WDPCP: variants seen among roughly 807,000 people sequenced by gnomAD.
WDPCP encodes the protein WD repeat-containing and planar cell polarity effector protein fritz homolog.
Under a neutral mutation model 93.1 loss-of-function variants are expected in WDPCP, and 71 were observed. The observed-to-expected ratio is 0.76, with a 90% CI of 0.63 to 0.93. The LOEUF (loss-of-function observed/expected upper bound fraction) is 0.93. Among genes scored for constraint, WDPCP ranks in the 40% least tolerant of loss-of-function variants. The pLI, the probability that WDPCP is intolerant of heterozygous loss-of-function variation, is 0.00. For missense variants in WDPCP, 844 were observed against 887.4 expected, an observed-to-expected ratio of 0.95 and a Z score of 0.62; for synonymous variants, 315 against 315.0, an observed-to-expected ratio of 1.00 and a Z score of 0.00.
At position 63,491,787 on chromosome 2, in the gene WDPCP, G is replaced by GAGGAGCCA. The variant is rs1188753883; in HGVS notation, c.160+1068_160+1069insTGGCTCCT. Among the ~76,000 whole-genome samples the GAGGAGCCA allele has an allele frequency of 1.1e-4, 16 of 152,098 alleles. No homozygotes were observed. In the South Asian group the frequency reaches 2.7e-3, roughly 26 times the overall value. On this transcript the variant is annotated intron_variant, in intron 2 of 17. Coordinates refer to ENST00000272321, the MANE Select transcript of WDPCP (RefSeq NM_015910.7). The stretch of plus-strand genomic sequence containing the variant: ...ACACATACCATCTTCTACAATATCT[G>GAGGAGCCA]GCTCCTCAAATTTCTGTATCTTTCC...
At chr2:63,820,394 T>C (rs1479623931) in intron 1 of WDPCP, among the ~76,000 whole-genome samples, 1 of 152,176 alleles carries the variant, frequency 6.6e-6, no homozygotes, top group African/African-American at 2.4e-5. Flanking sequence ...GAGCTTCTTT[T>C]GGGAAATAGT....
At chr2:63,807,324 G>C (rs1233776785) in intron 2 of WDPCP, among the ~76,000 whole-genome samples, 1 of 152,212 alleles carries the variant, frequency 6.6e-6, no homozygotes, top group African/African-American at 2.4e-5. Context: ...TAATGAGTGA[G>C]TTCCAGCTCT....
chr2:63,815,828 C>T (rs1382311718), intron 1 of WDPCP, among the ~76,000 whole-genome samples: 5 of 151,802 alleles, frequency 3.3e-5, no homozygotes, highest in African/African-American at 1.2e-4. Flanking sequence ...AATAAAGTAT[C>T]GTAACAAAAC....
chr2:63,176,691 G>C (rs1673837051), intron 14 of WDPCP, among the ~76,000 whole-genome samples: 1 of 152,156 alleles, frequency 6.6e-6, no homozygotes, highest in Admixed American at 6.5e-5. Context: ...TCCTTAGGCT[G>C]TCTGTTCACT....
intron 2 of WDPCP, among the ~76,000 whole-genome samples, chr2:63,726,058 T>C (rs1002604942): frequency 6.6e-6 from 1 of 152,246 alleles, no homozygotes; most frequent in Admixed American, 6.5e-5. Context: ...AAGTCCCACT[T>C]GTCAATTTTT....
intron 2 of WDPCP, among the ~76,000 whole-genome samples, chr2:63,812,406 GT>G (rs1478707746): frequency 2.0e-5 from 3 of 152,098 alleles, no homozygotes; most frequent in Non-Finnish European, 2.9e-5. Context: ...AGAATGATTT[GT>G]TTTCCTTTAA....
At chr2:63,335,212 C>G (rs967267233) in intron 12 of WDPCP, among the ~76,000 whole-genome samples, 1 of 152,128 alleles carries the variant, frequency 6.6e-6, no homozygotes, top group Admixed American at 6.5e-5. Flanking sequence ...TCCTCTTTCA[C>G]CAATACTTGC....
intron 14 of WDPCP, among the ~76,000 whole-genome samples, chr2:63,242,499 A>G (rs1679931629): frequency 1.3e-5 from 2 of 152,204 alleles, no homozygotes; most frequent in Admixed American, 1.3e-4. Context: ...TTGCACTCCT[A>G]TAGTCCCAGC....
At position 63,121,877 on chromosome 2, in the gene WDPCP, C is replaced by G; in HGVS notation, c.*129G>C. ...TTATTTTGAAAACAAACACTCAACT[C>G]AAAACTCTTAACTAATTTATATGAT... On this transcript the variant is annotated 3_prime_UTR_variant, in exon 18 of 18. Transcript: ENST00000272321. 6.7e-7 allele frequency: 1 copy of G among 1,490,782 alleles called. No homozygotes were observed. The highest frequency in any genetic ancestry group is 8.9e-7 in the Non-Finnish European group (1 of 1,118,956). The allele number at this position is 1,490,782 out of a possible 1,614,324, so 92.3% of individuals were successfully genotyped here. A position where few individuals can be genotyped will look rare whatever the true frequency, so the allele number is the denominator to read the frequency against.
At chr2:63,738,143 C>T (rs1028750646) in intron 2 of WDPCP, among the ~76,000 whole-genome samples, 2 of 152,238 alleles carry the variant, frequency 1.3e-5, no homozygotes, top group African/African-American at 2.4e-5. Flanking sequence ...TCCCACACCC[C>T]TCACCAGTCC....
chr2:63,313,887 T>TGTGTG (rs1268057820), intron 12 of WDPCP, among the ~76,000 whole-genome samples: 1 of 57,652 alleles, frequency 1.7e-5, no homozygotes, highest in Non-Finnish European at 5.1e-5. Context: ...TATATATATA[T>TGTGTG]TTTTTTTTTT....
intron 14 of WDPCP, among the ~76,000 whole-genome samples, chr2:63,214,186 C>G (rs544943068): frequency 6.6e-6 from 1 of 152,270 alleles, no homozygotes; most frequent in Non-Finnish European, 1.5e-5. Flanking sequence ...GAATTTTAGA[C>G]CAATATCCAT....
At chr2:63,619,150 C>T (rs960861088) in intron 3 of WDPCP, among the ~76,000 whole-genome samples, 27 of 152,186 alleles carry the variant, frequency 1.8e-4, no homozygotes, top group Admixed American at 5.9e-4. Context: ...ACCACCACTC[C>T]CTTCCTCCAA....
chr2:63,669,358 A>ATTTTTTTTTTT (rs1419665696), intron 2 of WDPCP, among the ~76,000 whole-genome samples: 1 of 76,656 alleles, frequency 1.3e-5, no homozygotes, highest in African/African-American at 4.7e-5. Context: ...TTTTTATTTT[A>ATTTTTTTTTTT]TTTTATTTTA....
intron 1 of WDPCP, among the ~76,000 whole-genome samples, chr2:63,525,595 A>G (rs77489414): frequency 0.015 from 2,335 of 151,960 alleles, 61 homozygotes; most frequent in African/African-American, 0.054. Context: ...TTTTCCAGCT[A>G]TTGGTTTTCT....
At chr2:63,286,014 T>C (rs1329827382) in intron 13 of WDPCP, among the ~76,000 whole-genome samples, 1 of 136,746 alleles carries the variant, frequency 7.3e-6, no homozygotes, top group Admixed American at 7.4e-5. Flanking sequence ...CTCTCTCTCA[T>C]TTTGTTTTTT....
chr2:63,757,617 G>C (rs1391940251), intron 2 of WDPCP, among the ~76,000 whole-genome samples: 2 of 152,160 alleles, frequency 1.3e-5, no homozygotes, highest in Non-Finnish European at 2.9e-5. Flanking sequence ...TGACCAAAAG[G>C]CATGTAGCCA....
rs187958829 is a variant in WDPCP at position 63,354,289 on chromosome 2, G to T, written c.1748+24097C>A. Among the ~76,000 whole-genome samples, 5 of 152,258 alleles carry T rather than the reference G, an allele frequency of 3.3e-5. No individual in the cohort carries two copies. In the East Asian group the frequency reaches 9.7e-4, roughly 29 times the overall value. ...GTGATTGCTGACCTGCATCTCTCTG[G>T]AGAAGAGCCTCCAGGAGACAAGCAT... On this transcript the variant is annotated intron_variant, in intron 12 of 17. Coordinates refer to ENST00000272321, the MANE Select transcript of WDPCP (RefSeq NM_015910.7).
intron 12 of WDPCP, among the ~76,000 whole-genome samples, chr2:63,337,630 A>C (rs1413371524): frequency 3.9e-5 from 6 of 152,214 alleles, no homozygotes; most frequent in Non-Finnish European, 7.3e-5. Flanking sequence ...CCAACGGTGT[A>C]TAAGAATTCC....
Sources: allele counts gnomAD v4.1 joint callset (sites outside exome capture counted in the v4.1 genomes callset), GRCh38; gene constraint gnomAD v4.1.1; transcripts MANE v1.5; gene names NCBI Gene and HGNC (gene_info 2026-07-23, HGNC 2026-07-21).